Variants in CHAF1B observed in about 807,000 individuals in gnomAD.
The protein encoded by CHAF1B is CAF-1 subunit B.
CHAF1B carries 10 observed loss-of-function variants against 60.7 expected under a neutral mutation model. The ratio of observed to expected loss-of-function variants is 0.16; its 90% CI spans 0.10 to 0.28. The LOEUF (loss-of-function observed/expected upper bound fraction) is 0.28, where lower values mean the gene tolerates loss of function less well. Ranked by LOEUF, CHAF1B falls within the 10% of genes least tolerant of loss-of-function variation. CHAF1B has a pLI of 1.00. For missense variants in CHAF1B, 558 were observed against 708.4 expected, an observed-to-expected ratio of 0.79 and a Z score of 2.41; for synonymous variants, 261 against 266.1, an observed-to-expected ratio of 0.98 and a Z score of 0.19.
intron 1 of CHAF1B, 110 bp from the exon 2 acceptor site, chr21:36,385,950 A>G: frequency 5.0e-6 from 3 of 602,130 alleles, no homozygotes; most frequent in South Asian, 4.6e-5. Flanking sequence ...TCAGATGGCA[A>G]CGTTAACATC....
At chr21:36,412,837 G>T in intron 11 of CHAF1B, 47 bp from the exon 12 acceptor site, 1 of 1,553,394 alleles carries the variant, frequency 6.4e-7, no homozygotes, top group South Asian at 1.2e-5. Context: ...AAGTAGATGT[G>T]AGAGTGTTGG....
At chr21:36,389,790 T>C (rs1601555626) in intron 3 of CHAF1B, among the ~76,000 whole-genome samples, 5 of 131,198 alleles carry the variant, frequency 3.8e-5, no homozygotes, top group African/African-American at 1.8e-4. Context: ...TGTGTGTGTG[T>C]GTGTGTGTGT....
At chr21:36,402,226 G>T (rs191954596) in intron 7 of CHAF1B, among the ~76,000 whole-genome samples, 171 of 152,298 alleles carry the variant, frequency 1.1e-3, no homozygotes, top group Middle Eastern at 3.4e-3. Context: ...CGGGAGGATT[G>T]CTTTGAGCCC....
chr21:36,387,140 C>A (rs1215143696), intron 2 of CHAF1B, among the ~76,000 whole-genome samples: 1 of 151,516 alleles, frequency 6.6e-6, no homozygotes, highest in East Asian at 1.9e-4. Flanking sequence ...GGACAGTAGA[C>A]ATTTATGTTT....
In CHAF1B at chr21:36,390,664, C is replaced by T. The variant is rs557840441; in HGVS notation, c.260-887C>T. Reference sequence around the variant, plus strand: ...GCCTGTGAGGTAGATATATTGTTATCCTCATTTTTGAGACAGGGTCTTGCT... The same window carrying T: ...GCCTGTGAGGTAGATATATTGTTATTCTCATTTTTGAGACAGGGTCTTGCT... On this transcript the variant is annotated intron_variant, in intron 3 of 13. Coordinates refer to ENST00000314103, the MANE Select transcript of CHAF1B (RefSeq NM_005441.3). 5.3e-5 allele frequency among the ~76,000 whole-genome samples: 8 copies of T among 152,180 alleles called. No homozygotes were observed. In the East Asian group the frequency reaches 1.5e-3, roughly 29 times the overall value.
intron 9 of CHAF1B, 125 bp downstream of exon 9, chr21:36,408,955 A>G: frequency 3.2e-6 from 2 of 631,124 alleles, no homozygotes; most frequent in East Asian, 6.3e-5. Context: ...CCCGGGTTCA[A>G]GTGATTCTCC....
At chr21:36,413,493 G>T (rs1395712087) in intron 12 of CHAF1B, among the ~76,000 whole-genome samples, 178 bp downstream of exon 12, 1 of 152,202 alleles carries the variant, frequency 6.6e-6, no homozygotes, top group Non-Finnish European at 1.5e-5. Flanking sequence ...GCCTCTGTTT[G>T]TTCCTCCAGT....
At chr21:36,410,003 G>A (rs1411881658) in intron 10 of CHAF1B, among the ~76,000 whole-genome samples, 3 of 147,034 alleles carry the variant, frequency 2.0e-5, no homozygotes, top group Middle Eastern at 3.3e-3. Context: ...TTGCTCTGTC[G>A]CCCAGGCTGG....
chr21:36,392,078 C>T lies in CHAF1B; in HGVS notation c.377+410C>T, dbSNP rs186078602. Among the ~76,000 whole-genome samples the T allele has an allele frequency of 8.9e-4, 134 of 151,342 alleles. 1 individual carries two copies. Among genetic ancestry groups the T allele is most frequent in the African/African-American group, 2.9e-3 (120 of 40,876 alleles). On this transcript the variant is annotated intron_variant, in intron 4 of 13. Transcript: ENST00000314103. Reference sequence around the variant, plus strand: ...CTAGGCAGAGGACCCAGTGGCCTTCCGCAGTGTTTGTGTCCCTGGGTACTT... The same window carrying T: ...CTAGGCAGAGGACCCAGTGGCCTTCTGCAGTGTTTGTGTCCCTGGGTACTT...
At chr21:36,410,735 G>A (rs1346918084) in intron 10 of CHAF1B, among the ~76,000 whole-genome samples, 2 of 147,962 alleles carry the variant, frequency 1.4e-5, no homozygotes, top group East Asian at 2.0e-4. Flanking sequence ...ATCTCGGCTC[G>A]TTGCAGCCTT....
intron 4 of CHAF1B, 80 bp downstream of exon 4, chr21:36,391,748 T>C (rs1227728658): frequency 2.2e-5 from 21 of 938,086 alleles, no homozygotes; most frequent in Non-Finnish European, 2.7e-5. Context: ...ACTTTTTTTT[T>C]CTTTTCTTTT....
At chr21:36,393,954 C>G (rs1196533139) in intron 4 of CHAF1B, among the ~76,000 whole-genome samples, 3 of 151,844 alleles carry the variant, frequency 2.0e-5, no homozygotes, top group African/African-American at 4.8e-5. Context: ...GGCTGGAGTG[C>G]AGTGGCATGA....
intron 5 of CHAF1B, among the ~76,000 whole-genome samples, chr21:36,396,042 C>A (rs2086134783): frequency 6.6e-6 from 1 of 151,632 alleles, no homozygotes; most frequent in Admixed American, 6.6e-5. Context: ...CCTCAGTTCC[C>A]CAGGATGGAG....
chr21:36,398,065 T>G (rs2086157401), intron 6 of CHAF1B: 1 of 151,574 alleles, frequency 6.6e-6, no homozygotes, highest in Admixed American at 6.6e-5. Flanking sequence ...ATTTTTTTTT[T>G]TTTTTGAGAG....
At chr21:36,400,101 T>A (rs190280606) in intron 7 of CHAF1B, among the ~76,000 whole-genome samples, 1 of 152,156 alleles carries the variant, frequency 6.6e-6, no homozygotes, top group African/African-American at 2.4e-5. Context: ...CACCTGAACC[T>A]GGGAGGCGGA....
chr21:36,385,988 T>C (rs2086028614), intron 1 of CHAF1B, 72 bp from the exon 2 acceptor site: 11 of 839,710 alleles, frequency 1.3e-5, no homozygotes, highest in Non-Finnish European at 2.1e-5. Context: ...GCATTTTAAA[T>C]GGCTCCTGGC....
At chr21:36,413,653 C>T (rs948478185) in intron 12 of CHAF1B, among the ~76,000 whole-genome samples, 6 of 152,224 alleles carry the variant, frequency 3.9e-5, no homozygotes, top group African/African-American at 1.4e-4. Context: ...TCCCAGAGCA[C>T]TCTCTGCCCT....
chr21:36,415,633 C>T, intron 13 of CHAF1B: 1 of 523,900 alleles, frequency 1.9e-6, no homozygotes, highest in Non-Finnish European at 3.4e-6. Context: ...TCAGGTTTCT[C>T]CACCTGATGA....
At chr21:36,401,387 ATAT>A (rs1449018081) in intron 7 of CHAF1B, among the ~76,000 whole-genome samples, 1 of 131,626 alleles carries the variant, frequency 7.6e-6, no homozygotes, top group African/African-American at 2.9e-5. Context: ...ATATATTTTT[ATAT>A]TATACATAAT....
Sources: allele counts gnomAD v4.1 joint callset (sites outside exome capture counted in the v4.1 genomes callset), GRCh38; gene constraint gnomAD v4.1.1; transcripts MANE v1.5; gene names NCBI Gene and HGNC (gene_info 2026-07-23, HGNC 2026-07-21).